PCDH15: variants seen among roughly 807,000 people sequenced by gnomAD.
PCDH15 encodes protocadherin related 15.
In PCDH15, 129 loss-of-function variants were observed where a neutral mutation model predicts 178.5. That is an observed-to-expected ratio of 0.72 (90% CI 0.63 to 0.84). The LOEUF is 0.84. PCDH15 is among the 40% of genes least tolerant of loss of function. The probability of loss-of-function intolerance (pLI) is 0.00; values close to 1 mark genes in which losing one functional copy is unlikely to be tolerated. For synonymous variants in PCDH15, 800 were observed against 732.0 expected, an observed-to-expected ratio of 1.09 and a Z score of -1.50; for missense variants, 2,230 against 2,099.9, an observed-to-expected ratio of 1.06 and a Z score of -1.21.
chr10:54,177,626 C>T (rs2047562872), intron 13 of PCDH15, among the ~76,000 whole-genome samples: 2 of 151,982 alleles, frequency 1.3e-5, no homozygotes, highest in African/African-American at 2.4e-5. Context: ...TGATGATCTA[C>T]AAATACATTC....
chr10:54,821,884 T>C (rs1953047624), intron 3 of PCDH15, among the ~76,000 whole-genome samples: 1 of 152,134 alleles, frequency 6.6e-6, no homozygotes, highest in South Asian at 2.1e-4. Flanking sequence ...GTGATTAATC[T>C]TAAACACGCT....
chr10:55,463,010 A>G (rs1839712568), intron 2 of PCDH15, among the ~76,000 whole-genome samples: 1 of 151,880 alleles, frequency 6.6e-6, no homozygotes, highest in Non-Finnish European at 1.5e-5. Context: ...CATCAGCCAC[A>G]TTAATCTCTT....
intron 1 of PCDH15, among the ~76,000 whole-genome samples, chr10:54,742,087 T>G (rs868386382): frequency 6.6e-6 from 1 of 152,102 alleles, no homozygotes; most frequent in African/African-American, 2.4e-5. Flanking sequence ...TCTATGTGAA[T>G]ATATATAGCA....
At chr10:54,085,071 G>A (rs1331791484) in intron 16 of PCDH15, among the ~76,000 whole-genome samples, 2 of 152,144 alleles carry the variant, frequency 1.3e-5, no homozygotes, top group African/African-American at 2.4e-5. Flanking sequence ...AACTAAGGTA[G>A]TAGAGTGAAG....
intron 21 of PCDH15, among the ~76,000 whole-genome samples, chr10:53,977,915 T>C (rs952230677): frequency 4.6e-5 from 7 of 152,184 alleles, no homozygotes; most frequent in Non-Finnish European, 1.0e-4. Flanking sequence ...CTTCTTTCAC[T>C]CCATATCATA....
At chr10:54,526,299 T>C (rs138251794) in intron 3 of PCDH15, among the ~76,000 whole-genome samples, 4 of 152,326 alleles carry the variant, frequency 2.6e-5, no homozygotes, top group African/African-American at 9.6e-5. Flanking sequence ...AAACTAAATG[T>C]TTTATTTCAG....
chr10:54,838,992 T>C (rs1014222978), intron 3 of PCDH15, among the ~76,000 whole-genome samples: 3 of 152,094 alleles, frequency 2.0e-5, no homozygotes, highest in African/African-American at 7.2e-5. Context: ...TCAACTGGGA[T>C]TGTAGAGGCA....
chr10:55,610,480 A>G (rs1249554511), intron 2 of PCDH15, among the ~76,000 whole-genome samples: 2 of 152,090 alleles, frequency 1.3e-5, no homozygotes, highest in Non-Finnish European at 2.9e-5. Flanking sequence ...TCGGTTACAA[A>G]GAGTGTTAAA....
chr10:55,544,311 G>C (rs1330346572), intron 2 of PCDH15, among the ~76,000 whole-genome samples: 1 of 150,996 alleles, frequency 6.6e-6, no homozygotes, highest in East Asian at 1.9e-4. Flanking sequence ...TTTTCCTCAG[G>C]TAATTTTGAC....
chr10:54,769,641 A>G (rs1050443802), intron 1 of PCDH15, among the ~76,000 whole-genome samples: 3 of 152,028 alleles, frequency 2.0e-5, no homozygotes, highest in African/African-American at 7.3e-5. Flanking sequence ...CTGTGTACAG[A>G]ATCCATTCTG....
chr10:53,880,457 C>A (rs76620868), intron 26 of PCDH15, among the ~76,000 whole-genome samples: 1,856 of 152,184 alleles, frequency 0.012, 29 homozygotes, highest in African/African-American at 0.042. Flanking sequence ...CTTTTAATTT[C>A]TAAATTTAAT....
intron 2 of PCDH15, among the ~76,000 whole-genome samples, chr10:55,383,873 G>A (rs1041492522): frequency 6.6e-6 from 1 of 152,068 alleles, no homozygotes; most frequent in Non-Finnish European, 1.5e-5. Flanking sequence ...ACTAACTGGG[G>A]AATTGTAGAG....
At chr10:55,024,456 C>T (rs2384609) in intron 2 of PCDH15, among the ~76,000 whole-genome samples, 11,361 of 49,818 alleles carry the variant, frequency 0.23, 688 homozygotes, top group African/African-American at 0.3. Flanking sequence ...TATATATATA[C>T]ACACACATAT....
At chr10:54,594,156 G>A (rs2092062955) in intron 2 of PCDH15, among the ~76,000 whole-genome samples, 1 of 152,200 alleles carries the variant, frequency 6.6e-6, no homozygotes, top group Non-Finnish European at 1.5e-5. Context: ...AATCATAGCA[G>A]GAGGAGTCTT....
rs137853001 is a variant in PCDH15 at position 54,664,256 on chromosome 10, G to A, written c.7C>T (p.Arg3Ter). ...AAACATGTCCAGAGATAAAACTGTCGAAACATCTTCTGTCAAAGTTCACTC... is the reference window on the plus strand; with the variant it reads ...AAACATGTCCAGAGATAAAACTGTCAAAACATCTTCTGTCAAAGTTCACTC... MF[R>*]QFYLWTCLAS... The change falls in exon 2 of 38, where the codon CGA becomes TGA. Residue 3 changes from arginine (R) to a stop codon, truncating the protein, a stop_gained. Transcript: ENST00000644397. LOFTEE classifies it high-confidence loss of function. 9.9e-6 allele frequency: 16 copies of A among 1,610,356 alleles called. No individual in the cohort carries two copies. Among genetic ancestry groups the A allele is most frequent in the South Asian group, 5.5e-5 (5 of 90,826 alleles).
At chr10:54,470,548 C>T (rs1249402344) in intron 3 of PCDH15, among the ~76,000 whole-genome samples, 1 of 152,132 alleles carries the variant, frequency 6.6e-6, no homozygotes, top group Non-Finnish European at 1.5e-5. Flanking sequence ...CCATTCTTAA[C>T]TCCCTTCCCA....
At chr10:54,513,403 G>A (rs1334531661) in intron 3 of PCDH15, among the ~76,000 whole-genome samples, 1 of 151,918 alleles carries the variant, frequency 6.6e-6, no homozygotes, top group Admixed American at 6.6e-5. Flanking sequence ...TGAGATTACA[G>A]GTGCACGCCC....
chr10:55,340,576 T>C (rs1278326839), intron 2 of PCDH15, among the ~76,000 whole-genome samples: 2 of 152,072 alleles, frequency 1.3e-5, no homozygotes, highest in Non-Finnish European at 2.9e-5. Flanking sequence ...ATCAGCAATA[T>C]AATATATTCG....
At chr10:53,832,471 A>G (rs576681863) in intron 29 of PCDH15, among the ~76,000 whole-genome samples, 1 of 152,070 alleles carries the variant, frequency 6.6e-6, no homozygotes, top group African/African-American at 2.4e-5. Context: ...CTTACTATAG[A>G]ATATTGGAAA....
Sources: allele counts gnomAD v4.1 joint callset (sites outside exome capture counted in the v4.1 genomes callset), GRCh38; gene constraint gnomAD v4.1.1; transcripts MANE v1.5; gene names NCBI Gene and HGNC (gene_info 2026-07-23, HGNC 2026-07-21).